The following NUBP1 variants were observed in gnomAD, a reference collection of about 807,000 sequenced individuals.
NUBP1 encodes NUBP iron-sulfur cluster assembly factor 1, cytosolic, also known as cytosolic Fe-S cluster assembly factor NUBP1.
In NUBP1, 46 loss-of-function variants were observed where a neutral mutation model predicts 41.8. That is an observed-to-expected ratio of 1.10 (90% CI 0.87 to 1.41). The LOEUF (loss-of-function observed/expected upper bound fraction) is 1.41. NUBP1 is among the 40% of genes most tolerant of loss of function. NUBP1 has a pLI of 0.00. For synonymous variants in NUBP1, 189 were observed against 154.6 expected (o/e 1.22, Z -1.65); for missense variants, 494 against 414.0 (o/e 1.19, Z -1.68).
chr16:10,768,962 A>G lies in NUBP1; in HGVS notation c.905-85A>G. The G allele has an allele frequency of 7.9e-7, 1 of 1,261,296 alleles. No individual in the cohort carries two copies. The allele number at this position is 1,261,296 out of a possible 1,614,324, so 78.1% of individuals were successfully genotyped here. The stretch of plus-strand genomic sequence containing the variant: ...TAGCCAGAGGATTCCACCCCTGTCA[A>G]AACACAGCCCTCCCCAGCACAGGAC... On this transcript the variant is annotated intron_variant, in intron 10 of 10. Coordinates refer to ENST00000283027, the MANE Select transcript of NUBP1 (RefSeq NM_002484.4). This position sits in a 1 kb window ranked among gnomAD's most constrained non-coding sequence, Gnocchi z 4.3.
In NUBP1 at chr16:10,761,738, C is replaced by T; in HGVS notation, c.718-19C>T. 1 of 1,599,018 alleles carries T rather than the reference C, an allele frequency of 6.3e-7. No individual in the cohort carries two copies. Among genetic ancestry groups the T allele is most frequent in the Non-Finnish European group, 8.6e-7 (1 of 1,167,260 alleles). On this transcript the variant is annotated intron_variant, in intron 8 of 10. Transcript: ENST00000283027. ...CTGCAAAAAAATTATGTTTCCTCCCCTTTGAATTTGCCTTGCAGAAAGAAT... is the reference window on the plus strand; with the variant it reads ...CTGCAAAAAAATTATGTTTCCTCCCTTTTGAATTTGCCTTGCAGAAAGAAT...
rs1302905351 is a variant in NUBP1, at chr16:10,769,221, CT to C, written c.*117del. On this transcript the variant is annotated 3_prime_UTR_variant, in exon 11 of 11. Transcript: ENST00000283027. ...TGGGTCACAGCAAAAGGACCAGATG[CT>C]GGTGTGGTCCGAAGCCACTTTCTCA... 1.2e-6 allele frequency: 1 copy of C among 836,174 alleles called. No homozygotes were observed. The highest frequency in any genetic ancestry group is 1.7e-5 in the African/African-American group (1 of 57,980). 51.8% of individuals were successfully genotyped at this position (836,174 alleles called of 1,614,324 possible). A position where few individuals can be genotyped will look rare whatever the true frequency, so the allele number is the denominator to read the frequency against.
Position 10,752,608 on chromosome 16 carries a change from A to T in NUBP1, c.259-2A>T. The T allele has an allele frequency of 1.2e-6, 2 of 1,613,244 alleles. No homozygotes were observed. Among genetic ancestry groups the T allele is most frequent in the Non-Finnish European group, 1.7e-6 (2 of 1,179,368 alleles). ...ACCGCTTTGGTCTCTTCTTGTCCCCAGATTGCTCTTCTAGACATCGATATA... is the reference window on the plus strand; with the variant it reads ...ACCGCTTTGGTCTCTTCTTGTCCCCTGATTGCTCTTCTAGACATCGATATA... On this transcript the variant is annotated splice_acceptor_variant, in intron 3 of 10. Coordinates refer to ENST00000283027, the MANE Select transcript of NUBP1 (RefSeq NM_002484.4). LOFTEE classifies it high-confidence loss of function.
At position 10,749,496 on chromosome 16, in the gene NUBP1, G is replaced by C. The variant is rs1434502200; in HGVS notation, c.258+2220G>C. On this transcript the variant is annotated intron_variant, in intron 3 of 10. Coordinates refer to ENST00000283027, the MANE Select transcript of NUBP1 (RefSeq NM_002484.4). The surrounding 1 kb of genome is among the most constrained non-coding windows in gnomAD (Gnocchi z 4.1). ...GCACACCATTCAGTGTGGAAATATGGCTAGATCAGCTGTATTTTTTTATGC... is the reference window on the plus strand; with the variant it reads ...GCACACCATTCAGTGTGGAAATATGCCTAGATCAGCTGTATTTTTTTATGC... Among the ~76,000 whole-genome samples, 1 of 152,068 alleles carries C rather than the reference G, an allele frequency of 6.6e-6. No homozygotes were observed. Among genetic ancestry groups the C allele is most frequent in the East Asian group, 1.9e-4 (1 of 5,194 alleles).
intron 4 of NUBP1, 125 bp downstream of exon 4, chr16:10,752,803 T>C (rs1900381205): frequency 1.2e-6 from 1 of 845,352 alleles, no homozygotes; most frequent in African/African-American, 1.7e-5. Flanking sequence ...TGTTTTGTTT[T>C]GTTGTTTTTG....
In NUBP1 at chr16:10,761,492, T is replaced by C. The variant is rs1371967222; in HGVS notation, c.717+18T>C. The C allele has an allele frequency of 1.9e-6, 3 of 1,599,582 alleles. No homozygotes were observed. The highest frequency in any genetic ancestry group is 2.6e-6 in the Non-Finnish European group (3 of 1,167,360). ...AGTGCAAGGTGAGGGCGCGTGGGGC[T>C]GCCAGGCGAGCAAGATCTTGCTCTC... On this transcript the variant is annotated intron_variant, in intron 8 of 10. Transcript: ENST00000283027.
At chr16:10,753,584 C>T (rs1316606596) in intron 4 of NUBP1, among the ~76,000 whole-genome samples, 2 of 151,844 alleles carry the variant, frequency 1.3e-5, no homozygotes, top group East Asian at 3.9e-4. Flanking sequence ...TAATTAGTGC[C>T]AGGAATGCAT....
rs2031225427 is a variant in NUBP1, at chr16:10,768,440, C to G, written c.904+408C>G. The stretch of plus-strand genomic sequence containing the variant: ...TGGCTAACATGGAGAAACACTGTCT[C>G]TACTAAAAATATGAAAATTAGCCGG... On this transcript the variant is annotated intron_variant, in intron 10 of 10. Transcript: ENST00000283027. This position sits in a 1 kb window ranked among gnomAD's most constrained non-coding sequence, Gnocchi z 4.3. 1 of 160,242 alleles carries G rather than the reference C, an allele frequency of 6.2e-6. No individual in the cohort carries two copies. Among genetic ancestry groups the G allele is most frequent in the Non-Finnish European group, 1.4e-5 (1 of 73,432 alleles). 9.9% of individuals were successfully genotyped at this position (160,242 alleles called of 1,614,324 possible).
intron 9 of NUBP1, among the ~76,000 whole-genome samples, chr16:10,764,053 G>T (rs570702688): frequency 6.6e-6 from 1 of 151,128 alleles, no homozygotes; most frequent in South Asian, 2.1e-4. Flanking sequence ...CCAGCCCAAA[G>T]GAGCATCTCA....
At position 10,754,391 on chromosome 16, in the gene NUBP1, C is replaced by T. The variant is rs141639512; in HGVS notation, c.328-1330C>T. On this transcript the variant is annotated intron_variant, in intron 4 of 10. Transcript: ENST00000283027. ...CTGAATAGCTGGCATTACAGACACA[C>T]GCCACCACGTCCAGCTATTTTTTGT... is the stretch of plus-strand genomic sequence containing the variant. Among the ~76,000 whole-genome samples, 533 of 152,102 alleles carry T rather than the reference C, an allele frequency of 3.5e-3. 7 individuals are homozygous for T. The highest frequency in any genetic ancestry group is 0.012 in the African/African-American group (485 of 41,498).
chr16:10,745,186 C>T (rs531274985), intron 2 of NUBP1, among the ~76,000 whole-genome samples: 55 of 149,042 alleles, frequency 3.7e-4, no homozygotes, highest in African/African-American at 1.3e-3. Context: ...GGAGACAGGC[C>T]GGGTGCAGTG....
intron 4 of NUBP1, 102 bp downstream of exon 4, chr16:10,752,780 G>GT (rs1321311361): frequency 4.0e-6 from 4 of 992,346 alleles, no homozygotes; most frequent in African/African-American, 1.6e-5. Context: ...GCCCATAAAT[G>GT]TTTTTTTGTT....
Position 10,767,102 on chromosome 16 carries a change from G to C in NUBP1, c.821-847G>C, listed in dbSNP as rs1467426723. The C allele has an allele frequency of 1.3e-5, 5 of 398,688 alleles. No individual in the cohort carries two copies. The highest frequency in any genetic ancestry group is 2.2e-5 in the Non-Finnish European group (5 of 226,208). 24.7% of individuals were successfully genotyped at this position (398,688 alleles called of 1,614,324 possible). A position where few individuals can be genotyped will look rare whatever the true frequency, so the allele number is the denominator to read the frequency against. On this transcript the variant is annotated intron_variant, in intron 9 of 10. Transcript: ENST00000283027. This position sits in a 1 kb window ranked among gnomAD's most constrained non-coding sequence, Gnocchi z 4.6. ...CCCTCCTGGGGTTCACCTGAGGCTG[G>C]TGACCGGCCATGGGCAGTGCAGTCA...
intron 7 of NUBP1, chr16:10,761,161 G>A (rs1900942746): frequency 2.1e-6 from 1 of 484,584 alleles, no homozygotes; most frequent in Non-Finnish European, 3.8e-6. Flanking sequence ...GGAACTGCCT[G>A]TTCCTGTAGG....
At chr16:10,744,751 T>TTTC (rs1341012860) in intron 2 of NUBP1, among the ~76,000 whole-genome samples, 2 of 152,056 alleles carry the variant, frequency 1.3e-5, no homozygotes, top group East Asian at 3.9e-4. Context: ...AATATTTTTT[T>TTTC]TTCTTTTTTT....
At chr16:10,763,872 G>C (rs1337824355) in intron 9 of NUBP1, 1 of 166,480 alleles carries the variant, frequency 6.0e-6, no homozygotes, top group Non-Finnish European at 1.3e-5. Context: ...CTCAGCCCCT[G>C]GAAGCATCTC....
At position 10,768,252 on chromosome 16, in the gene NUBP1, C is replaced by T. The variant is rs973875385; in HGVS notation, c.904+220C>T. On this transcript the variant is annotated intron_variant, in intron 10 of 10. Transcript: ENST00000283027. The surrounding 1 kb of genome is among the most constrained non-coding windows in gnomAD (Gnocchi z 4.3). Reference sequence around the variant, plus strand: ...AACATGGTGAGGGTGAAATTTATGGCTTAGGAAATACATCCCAATAAAGGG... The same window carrying T: ...AACATGGTGAGGGTGAAATTTATGGTTTAGGAAATACATCCCAATAAAGGG... 10 of 392,606 alleles carry T rather than the reference C, an allele frequency of 2.5e-5. No individual in the cohort carries two copies. The highest frequency in any genetic ancestry group is 3.2e-5 in the Non-Finnish European group (7 of 218,582). The allele number at this position is 392,606 out of a possible 1,614,324, so 24.3% of individuals were successfully genotyped here.
At position 10,765,658 on chromosome 16, in the gene NUBP1, AACCTCCATCTTCCC is replaced by A. The variant is rs1413775984; in HGVS notation, c.821-2284_821-2271del. ...ACGGCTTTTCTTCCAAAGAGCCAGC[AACCTCCATCTTCCC>A]ACCTCCCTCACACCAAGCCCTGGCA... On this transcript the variant is annotated intron_variant, in intron 9 of 10. Coordinates refer to ENST00000283027, the MANE Select transcript of NUBP1 (RefSeq NM_002484.4). The surrounding 1 kb of genome is among the most constrained non-coding windows in gnomAD (Gnocchi z 4.0). 6.6e-6 allele frequency among the ~76,000 whole-genome samples: 1 copy of A among 152,178 alleles called. No individual in the cohort carries two copies. The highest frequency in any genetic ancestry group is 1.5e-5 in the Non-Finnish European group (1 of 68,036).
intron 8 of NUBP1, 61 bp from the exon 9 acceptor site, chr16:10,761,696 G>A: frequency 1.6e-6 from 2 of 1,273,102 alleles, no homozygotes; most frequent in Non-Finnish European, 2.2e-6. Context: ...TTTAAAATGT[G>A]GTCCATCCTT....
Sources: allele counts gnomAD v4.1 joint callset (sites outside exome capture counted in the v4.1 genomes callset), GRCh38; gene constraint gnomAD v4.1.1; non-coding constraint Gnocchi (gnomAD v3.1); transcripts MANE v1.5; gene names NCBI Gene and HGNC (gene_info 2026-07-23, HGNC 2026-07-21).